Variants in ACOX3 observed in about 807,000 individuals in gnomAD.
The protein encoded by ACOX3 is acyl-CoA oxidase 3, pristanoyl.
ACOX3 carries 73 observed loss-of-function variants against 81.5 expected under a neutral mutation model. The observed-to-expected ratio is 0.90, with a 90% confidence interval of 0.74 to 1.09. ACOX3 has a LOEUF of 1.09. Ranked by LOEUF, ACOX3 falls within the 50% of genes least tolerant of loss-of-function variation. The pLI, the probability that ACOX3 is intolerant of heterozygous loss-of-function variation, is 0.00. For missense variants in ACOX3, 947 were observed against 928.0 expected, an observed-to-expected ratio of 1.02 and a Z score of -0.27; for synonymous variants, 387 against 375.1, an observed-to-expected ratio of 1.03 and a Z score of -0.37.
rs746425733 is a variant in ACOX3 at position 8,370,878 on chromosome 4, C to T, written c.1983+30G>A. ...CAGAAATGCCCATCAACCCTTGGGG[C>T]ACTCCCGTGAGGCCCTGTCCTCCCT... On this transcript the variant is annotated intron_variant, in intron 17 of 17. Transcript: ENST00000356406. This position sits in a 1 kb window ranked among gnomAD's most constrained non-coding sequence, Gnocchi z 6.3. 3 of 1,600,114 alleles carry T rather than the reference C, an allele frequency of 1.9e-6. No individual in the cohort carries two copies. Among genetic ancestry groups the T allele is most frequent in the South Asian group, 1.1e-5 (1 of 90,792 alleles).
chr4:8,420,088 T>C (rs1401658534), intron 1 of ACOX3, among the ~76,000 whole-genome samples: 1 of 152,144 alleles, frequency 6.6e-6, no homozygotes, highest in Non-Finnish European at 1.5e-5. Context: ...CTATCAGTAG[T>C]CTCCTTTTCC....
Position 8,405,968 on chromosome 4 carries a change from C to A in ACOX3, c.763G>T (p.Gly255Cys), listed in dbSNP as rs376571135. The A allele has an allele frequency of 6.2e-7, 1 of 1,614,040 alleles. No individual in the cohort carries two copies. Among genetic ancestry groups the A allele is most frequent in the African/African-American group, 1.3e-5 (1 of 74,924 alleles). Residue 255 changes from glycine to cysteine, a missense_variant, in exon 7 of 18, where the codon GGT becomes TGT. By Grantham distance (159) the Gly-to-Cys change is radical. Coordinates refer to ENST00000356406, the MANE Select transcript of ACOX3 (RefSeq NM_003501.3). This position sits in a 1 kb window ranked among gnomAD's most constrained non-coding sequence, Gnocchi z 7.1. Reference sequence around the variant, plus strand: ...TCTGTCACTCACCCATTATCCAGACCGTTCTGCCCGAGTTTTTTTCCTATG... The same window carrying A: ...TCTGTCACTCACCCATTATCCAGACAGTTCTGCCCGAGTTTTTTTCCTATG... ...GDIGKKLGQN[G>C]LDNGFAMFHK...
Position 8,370,889 on chromosome 4 carries a change from G to A in ACOX3, c.1983+19C>T. 6.2e-7 allele frequency: 1 copy of A among 1,610,654 alleles called. No homozygotes were observed. Among genetic ancestry groups the A allele is most frequent in the Non-Finnish European group, 8.5e-7 (1 of 1,177,774 alleles). On this transcript the variant is annotated intron_variant, in intron 17 of 17. Coordinates refer to ENST00000356406, the MANE Select transcript of ACOX3 (RefSeq NM_003501.3). This position sits in a 1 kb window ranked among gnomAD's most constrained non-coding sequence, Gnocchi z 6.3. ...ATCAACCCTTGGGGCACTCCCGTGA[G>A]GCCCTGTCCTCCCTTTACCTCGCCG...
chr4:8,401,908 G>A (rs1415914327), intron 7 of ACOX3, among the ~76,000 whole-genome samples: 2 of 152,186 alleles, frequency 1.3e-5, no homozygotes, highest in African/African-American at 4.8e-5. Flanking sequence ...GGTATGAGGC[G>A]GACCCCAGGG....
rs201314854 is a variant in ACOX3, at chr4:8,416,405, C to T, written c.117G>A (p.Thr39=). 1.5e-5 allele frequency: 25 copies of T among 1,614,218 alleles called. No individual in the cohort carries two copies. The highest frequency in any genetic ancestry group is 8.0e-5 in the African/African-American group (6 of 75,050). ...TAAAGCGGAGCATGCCCTCCCCTTCCGTGAACAGCGCCAGCTCCTTCCAGC... is the reference window on the plus strand; with the variant it reads ...TAAAGCGGAGCATGCCCTCCCCTTCTGTGAACAGCGCCAGCTCCTTCCAGC... ...SFSWKELALF[T]EGEGMLRFKK... The change falls in exon 2 of 18, where the codon ACG becomes ACA. Residue 39 remains threonine (T), a synonymous_variant. Transcript: ENST00000356406. The surrounding 1 kb of genome is among the most constrained non-coding windows in gnomAD (Gnocchi z 4.2).
intron 7 of ACOX3, among the ~76,000 whole-genome samples, chr4:8,402,581 G>A (rs1355067230): frequency 6.6e-6 from 1 of 152,148 alleles, no homozygotes; most frequent in Non-Finnish European, 1.5e-5. Flanking sequence ...AAACATTCCC[G>A]TGAGTTTCAA....
At chr4:8,364,545 C>A (rs564030551), downstream of ACOX3, among the ~76,000 whole-genome samples, 1 of 151,824 alleles carries the variant, frequency 6.6e-6, no homozygotes, top group Non-Finnish European at 1.5e-5. The surrounding 1 kb of genome is among the most constrained non-coding windows in gnomAD (Gnocchi z 5.0). Flanking sequence ...GCACGAGAAC[C>A]CGTTGTGTCT....
intron 5 of ACOX3, among the ~76,000 whole-genome samples, chr4:8,413,127 C>T (rs1377943327): frequency 6.8e-6 from 1 of 146,194 alleles, no homozygotes; most frequent in Non-Finnish European, 1.5e-5. Context: ...CTCACTGCAC[C>T]CCTGCGCCCC....
At position 8,373,633 on chromosome 4, in the gene ACOX3, A is replaced by C. The variant is rs1172734387; in HGVS notation, c.1829-5T>G. 1.9e-6 allele frequency: 3 copies of C among 1,610,912 alleles called. No individual in the cohort carries two copies. The South Asian group carries it at 3.3e-5, about 18-fold the overall frequency. ...GCTCACCGGAGAAGTATCCTCCTGC[A>C]AGCACAGCCTCGGTCACATGGGGGC... On this transcript the variant is annotated splice_polypyrimidine_tract_variant and splice_region_variant and intron_variant, in intron 15 of 17. Transcript: ENST00000356406.
chr4:8,403,164 T>A (rs916186947), intron 7 of ACOX3, among the ~76,000 whole-genome samples: 1 of 152,262 alleles, frequency 6.6e-6, no homozygotes, highest in African/African-American at 2.4e-5. Flanking sequence ...TCATCCCACA[T>A]ACTCAGGAGT....
chr4:8,432,231 A>G lies in ACOX3; in HGVS notation c.-15+8417T>C, dbSNP rs1723995922. On this transcript the variant is annotated intron_variant, in intron 1 of 17. Transcript: ENST00000356406. This position sits in a 1 kb window ranked among gnomAD's most constrained non-coding sequence, Gnocchi z 6.2. Reference sequence around the variant, plus strand: ...CCCTATGGCAAATGTTACTGGCTTGAGCCAATGAATTTTTTTTTTCGAGAT... The same window carrying G: ...CCCTATGGCAAATGTTACTGGCTTGGGCCAATGAATTTTTTTTTTCGAGAT... Among the ~76,000 whole-genome samples the G allele has an allele frequency of 6.6e-6, 1 of 152,062 alleles. No homozygotes were observed.
chr4:8,400,180 G>A lies in ACOX3; in HGVS notation c.777-528C>T, dbSNP rs981093871. Among the ~76,000 whole-genome samples the A allele has an allele frequency of 2.0e-5, 3 of 151,952 alleles. No individual in the cohort carries two copies. The highest frequency in any genetic ancestry group is 2.9e-5 in the Non-Finnish European group (2 of 68,016). ...ACAGGAGAATTGTTTGAACCCGGGC[G>A]GCGGAAGTTGCAGTGAGCCAAGATC... On this transcript the variant is annotated intron_variant, in intron 7 of 17. Coordinates refer to ENST00000356406, the MANE Select transcript of ACOX3 (RefSeq NM_003501.3). The surrounding 1 kb of genome is among the most constrained non-coding windows in gnomAD (Gnocchi z 4.4).
At chr4:8,426,576 T>C (rs1037178262) in intron 1 of ACOX3, among the ~76,000 whole-genome samples, 27 of 138,878 alleles carry the variant, frequency 1.9e-4, no homozygotes, top group African/African-American at 7.1e-4. Flanking sequence ...TCCATGCCGC[T>C]ATACTACCAG....
chr4:8,390,239 G>C (rs1025126367), intron 11 of ACOX3, among the ~76,000 whole-genome samples: 2 of 152,130 alleles, frequency 1.3e-5, no homozygotes, highest in South Asian at 2.1e-4. Flanking sequence ...CTACCCAGGA[G>C]GCTGAGGTGG....
intron 16 of ACOX3, among the ~76,000 whole-genome samples, chr4:8,372,834 C>T (rs1160078866): frequency 6.6e-6 from 1 of 152,228 alleles, no homozygotes; most frequent in South Asian, 2.1e-4. Flanking sequence ...AGTGGAATGA[C>T]GTCTCCACGG....
rs989939221 is a variant in ACOX3, at chr4:8,367,355, T to C, written c.1984-275A>G. On this transcript the variant is annotated intron_variant, in intron 17 of 17. Transcript: ENST00000356406. ...AAAATTAGCCAGGTGTGGTGGTGCA[T>C]GCCTGTAATCCCAGCTACTCGGAAG... Among the ~76,000 whole-genome samples the C allele has an allele frequency of 3.3e-5, 5 of 151,996 alleles. No individual in the cohort carries two copies. The South Asian group carries it at 8.3e-4, about 25-fold the overall frequency.
In ACOX3 at chr4:8,407,189, T is replaced by C. The variant is rs2108937084; in HGVS notation, c.688-1146A>G. Among the ~76,000 whole-genome samples the C allele has an allele frequency of 6.6e-6, 1 of 152,360 alleles. No homozygotes were observed. The highest frequency in any genetic ancestry group is 2.1e-4 in the South Asian group (1 of 4,832). On this transcript the variant is annotated intron_variant, in intron 6 of 17. Coordinates refer to ENST00000356406, the MANE Select transcript of ACOX3 (RefSeq NM_003501.3). This position sits in a 1 kb window ranked among gnomAD's most constrained non-coding sequence, Gnocchi z 4.6. ...TATGTCCCCTCAGCTCCTATCTCTG[T>C]ATGGCCTGGTTTTTCCTAGGTTATG...
At position 8,424,878 on chromosome 4, in the gene ACOX3, A is replaced by G. The variant is rs187571329; in HGVS notation, c.-14-8343T>C. ...TTGTAGAAAAACGACTTCGAAAAGC[A>G]GGGTATGCAGTGGTCAGTGATAATG... is the stretch of plus-strand genomic sequence containing the variant. On this transcript the variant is annotated intron_variant, in intron 1 of 17. Coordinates refer to ENST00000356406, the MANE Select transcript of ACOX3 (RefSeq NM_003501.3). 4.1e-3 allele frequency among the ~76,000 whole-genome samples: 621 copies of G among 152,374 alleles called. 4 individuals are homozygous for G. Among genetic ancestry groups the G allele is most frequent in the African/African-American group, 0.014 (587 of 41,592 alleles).
chr4:8,427,087 G>T lies in ACOX3; in HGVS notation c.-14-10552C>A, dbSNP rs372892114. On this transcript the variant is annotated intron_variant, in intron 1 of 17. Coordinates refer to ENST00000356406, the MANE Select transcript of ACOX3 (RefSeq NM_003501.3). ...ATTCCTAAGCCTAGCTGGGGAAGGT[G>T]ACCACACCCACCTTTAAACATGGGG... is the stretch of plus-strand genomic sequence containing the variant. 4.7e-4 allele frequency among the ~76,000 whole-genome samples: 71 copies of T among 152,276 alleles called. 1 individual carries two copies. The highest frequency in any genetic ancestry group is 1.6e-3 in the African/African-American group (68 of 41,552).
Sources: gnomAD v4.1 joint callset for allele counts (sites outside exome capture counted in the v4.1 genomes callset) on GRCh38, gnomAD v4.1.1 for gene constraint, Gnocchi (gnomAD v3.1) non-coding constraint, MANE v1.5 for transcripts, NCBI Gene and HGNC (gene_info 2026-07-23, HGNC 2026-07-21) for gene names.